The following TRIT1 variants were observed in gnomAD, a reference collection of about 807,000 sequenced individuals.
TRIT1 encodes the protein tRNA isopentenyltransferase 1.
In TRIT1, 43 loss-of-function variants were observed where a neutral mutation model predicts 51.2. The ratio of observed to expected loss-of-function variants is 0.84; its 90% CI spans 0.66 to 1.08. The LOEUF (loss-of-function observed/expected upper bound fraction) is 1.08, where lower values mean the gene tolerates loss of function less well. Ranked by LOEUF, TRIT1 falls within the 50% of genes least tolerant of loss-of-function variation. TRIT1 has a pLI of 0.00. For synonymous variants in TRIT1, 184 were observed against 203.9 expected (o/e 0.90, Z 0.83); for missense variants, 528 against 578.4 (o/e 0.91, Z 0.89).
intron 1 of TRIT1, among the ~76,000 whole-genome samples, chr1:39,866,299 A>G (rs1643553005): frequency 6.6e-6 from 1 of 152,162 alleles, no homozygotes; most frequent in Admixed American, 6.5e-5. Flanking sequence ...GAGCCTCCCA[A>G]GTAGCTGGGA....
At chr1:39,853,754 C>T (rs775965092) in intron 3 of TRIT1, among the ~76,000 whole-genome samples, 36 of 152,194 alleles carry the variant, frequency 2.4e-4, no homozygotes, top group Non-Finnish European at 4.9e-4. Context: ...TTAATCCACA[C>T]AGCAACATTT....
chr1:39,881,668 T>C (rs1644271057), intron 1 of TRIT1: 1 of 152,232 alleles, frequency 6.6e-6, no homozygotes, highest in Admixed American at 6.5e-5. Context: ...CTCAATACCT[T>C]TGGACCAGCT....
Position 39,857,422 on chromosome 1 carries a change from G to A in TRIT1, c.175-5C>T, listed in dbSNP as rs1557552618. 1 of 1,607,738 alleles carries A rather than the reference G, an allele frequency of 6.2e-7. No homozygotes were observed. Among genetic ancestry groups the A allele is most frequent in the East Asian group, 2.2e-5 (1 of 44,786 alleles). On this transcript the variant is annotated splice_polypyrimidine_tract_variant and splice_region_variant and intron_variant, in intron 1 of 10. Coordinates refer to ENST00000316891, the MANE Select transcript of TRIT1 (RefSeq NM_017646.6). The stretch of plus-strand genomic sequence containing the variant: ...GATGTCTAGGCCTTCATAGACCTAG[G>A]GGAAAGAAAATTAACATGAGAAAGT...
intron 8 of TRIT1, among the ~76,000 whole-genome samples, chr1:39,846,475 C>A (rs1358485749): frequency 6.6e-6 from 1 of 152,222 alleles, no homozygotes; most frequent in East Asian, 1.9e-4. Context: ...AATACTAATG[C>A]TGTCTTGCTA....
At position 39,847,192 on chromosome 1, in the gene TRIT1, A is replaced by G. The variant is rs79943460; in HGVS notation, c.1006+28T>C. On this transcript the variant is annotated intron_variant, in intron 8 of 10. Coordinates refer to ENST00000316891, the MANE Select transcript of TRIT1 (RefSeq NM_017646.6). ...TCTATATTCTATTGAAAACAGACCC[A>G]TAGGATAAAGAAAAACATGAGACTT... 1.6e-3 allele frequency: 2,595 copies of G among 1,598,668 alleles called. 47 individuals carry two copies. The African/African-American group carries it at 0.032, about 20-fold the overall frequency.
In TRIT1 at chr1:39,847,628, A is replaced by G. The variant is rs199622789; in HGVS notation, c.848T>C (p.Ile283Thr). The change falls in exon 7 of 11, where the codon ATT becomes ACT. Residue 283 changes from isoleucine (I) to threonine (T), a missense_variant. By Grantham distance (89) the Ile-to-Thr change is moderately conservative. Around this residue, in one of 3 missense-constraint regions of TRIT1, gnomAD observed 468 missense variants for 522.6 expected, o/e 0.90. Coordinates refer to ENST00000316891, the MANE Select transcript of TRIT1 (RefSeq NM_017646.6). ...GTACTCGTGAAATTCCTTGAAGCCA[A>G]TTGATTGGAAGATACCATGTTGATA... ...QDYQHGIFQS[I>T]GFKEFHEYLI... 6.2e-7 allele frequency: 1 copy of G among 1,614,184 alleles called. No homozygotes were observed. The highest frequency in any genetic ancestry group is 2.2e-5 in the East Asian group (1 of 44,884).
chr1:39,870,513 T>TAAA (rs60334518), intron 1 of TRIT1, among the ~76,000 whole-genome samples: 802 of 78,304 alleles, frequency 0.01, 1 homozygote, highest in East Asian at 0.02. Flanking sequence ...CAATAAATAC[T>TAAA]AAAAAAAAAA....
At chr1:39,863,257 G>A (rs1426722420) in intron 1 of TRIT1, among the ~76,000 whole-genome samples, 5 of 152,214 alleles carry the variant, frequency 3.3e-5, no homozygotes, top group Non-Finnish European at 7.3e-5. Context: ...TTGAGACCAG[G>A]AGTTCAAGAC....
At chr1:39,872,018 T>C (rs1026063471) in intron 1 of TRIT1, among the ~76,000 whole-genome samples, 3 of 151,886 alleles carry the variant, frequency 2.0e-5, no homozygotes, top group Non-Finnish European at 4.4e-5. Context: ...ATCCTCCTGC[T>C]TGAGCCAGGA....
At chr1:39,859,193 T>C (rs1046520012) in intron 1 of TRIT1, among the ~76,000 whole-genome samples, 19 of 131,182 alleles carry the variant, frequency 1.4e-4, no homozygotes, top group African/African-American at 2.4e-4. Flanking sequence ...GAGGCAGAGG[T>C]TGCAGTGAGC....
At chr1:39,869,669 C>T (rs888890802) in intron 1 of TRIT1, among the ~76,000 whole-genome samples, 2 of 151,826 alleles carry the variant, frequency 1.3e-5, no homozygotes, top group Admixed American at 6.6e-5. Flanking sequence ...AGCGTCTCTG[C>T]CCCGCCGCCC....
chr1:39,872,068 A>ATTTT (rs59839907), intron 1 of TRIT1, among the ~76,000 whole-genome samples: 8,454 of 113,940 alleles, frequency 0.074, 538 homozygotes, highest in East Asian at 0.23. Context: ...GGCCTGACTA[A>ATTTT]TTTTTTTTTT....
chr1:39,879,872 CAAAA>C (rs11406062), intron 1 of TRIT1, among the ~76,000 whole-genome samples: 1 of 49,154 alleles, frequency 2.0e-5, no homozygotes, highest in South Asian at 7.3e-4. Context: ...AACTCCATCT[CAAAA>C]AAAAAAAAAA....
Position 39,864,012 on chromosome 1 carries a change from C to A in TRIT1, c.175-6595G>T, listed in dbSNP as rs542157587. On this transcript the variant is annotated intron_variant, in intron 1 of 10. Transcript: ENST00000316891. ...GTTCAAGCAATTCTCCTGCCTCAGC[C>A]TCCCAAGTAGCTGGGATTATAGGTA... Among the ~76,000 whole-genome samples, 4 of 152,116 alleles carry A rather than the reference C, an allele frequency of 2.6e-5. No individual in the cohort carries two copies. The South Asian group carries it at 8.3e-4, about 32-fold the overall frequency.
At chr1:39,867,202 G>A (rs1187592207) in intron 1 of TRIT1, among the ~76,000 whole-genome samples, 3 of 152,148 alleles carry the variant, frequency 2.0e-5, no homozygotes, top group Admixed American at 2.0e-4. Context: ...CTGAAGTGCA[G>A]TGGCACAATC....
At chr1:39,879,257 A>AAAAC (rs542379737) in intron 1 of TRIT1, among the ~76,000 whole-genome samples, 103 of 151,996 alleles carry the variant, frequency 6.8e-4, no homozygotes, top group East Asian at 9.7e-4. Flanking sequence ...ACTCCATCTT[A>AAAAC]AAACAAACAA....
chr1:39,867,215 G>A (rs1456008918), intron 1 of TRIT1, among the ~76,000 whole-genome samples: 2 of 151,998 alleles, frequency 1.3e-5, no homozygotes, highest in Non-Finnish European at 1.5e-5. Context: ...GCACAATCTC[G>A]GCTCACCGCA....
chr1:39,851,708 T>C (rs1642582324), intron 4 of TRIT1, among the ~76,000 whole-genome samples: 1 of 152,004 alleles, frequency 6.6e-6, no homozygotes, highest in Non-Finnish European at 1.5e-5. Flanking sequence ...TTCGGTAGGC[T>C]GAGGCAGGAG....
At chr1:39,873,776 C>A (rs1643953485) in intron 1 of TRIT1, among the ~76,000 whole-genome samples, 1 of 152,166 alleles carries the variant, frequency 6.6e-6, no homozygotes. Context: ...GTAATCCCAG[C>A]ACTTTGGGAG....
Sources: gnomAD v4.1 joint callset for allele counts (sites outside exome capture counted in the v4.1 genomes callset) on GRCh38, gnomAD v4.1.1 for gene constraint, gnomAD v4.1.1 regional missense constraint, MANE v1.5 for transcripts, NCBI Gene and HGNC (gene_info 2026-07-23, HGNC 2026-07-21) for gene names.